The following SLC35F4 variants were observed in gnomAD, a reference collection of about 807,000 sequenced individuals.
SLC35F4 encodes the protein solute carrier family 35 member F4.
In SLC35F4, 24 loss-of-function variants were observed where a neutral mutation model predicts 44.2. The observed-to-expected ratio is 0.54, with a 90% CI of 0.39 to 0.76. SLC35F4 has a LOEUF of 0.76. Among genes scored for constraint, SLC35F4 ranks in the 30% least tolerant of loss-of-function variants. The pLI is 0.00. For synonymous variants in SLC35F4, 238 were observed against 223.6 expected, an observed-to-expected ratio of 1.06 and a Z score of -0.57; for missense variants, 562 against 586.1, an observed-to-expected ratio of 0.96 and a Z score of 0.42.
At chr14:57,808,804 T>G (rs1170823562) in intron 1 of SLC35F4, among the ~76,000 whole-genome samples, 2 of 152,198 alleles carry the variant, frequency 1.3e-5, no homozygotes, top group African/African-American at 4.8e-5. Context: ...AGACTCCGTC[T>G]CAAAAAGAAA....
At chr14:57,698,085 G>A (rs1457602566) in intron 1 of SLC35F4, among the ~76,000 whole-genome samples, 1 of 152,150 alleles carries the variant, frequency 6.6e-6, no homozygotes, top group African/African-American at 2.4e-5. Flanking sequence ...CTATCTCATA[G>A]AGATTCTTAA....
At position 57,824,456 on chromosome 14, in the gene SLC35F4, G is replaced by T. The variant is rs796086817; in HGVS notation, c.103+41267C>A. Among the ~76,000 whole-genome samples, 5 of 152,204 alleles carry T rather than the reference G, an allele frequency of 3.3e-5. 1 individual carries two copies. Among genetic ancestry groups the T allele is most frequent in the African/African-American group, 1.2e-4 (5 of 41,528 alleles). ...ACATATGTACACGCATACATATATA[G>T]GTACATACATAAATAGAAGATAGAT... On this transcript the variant is annotated intron_variant, in intron 1 of 7. Transcript: ENST00000556826.
intron 1 of SLC35F4, among the ~76,000 whole-genome samples, chr14:57,897,784 C>T (rs1257448291): frequency 1.3e-5 from 2 of 152,224 alleles, no homozygotes; most frequent in Non-Finnish European, 2.9e-5. Flanking sequence ...CAGAGCATCA[C>T]TGCCTTGCTT....
chr14:57,572,167 T>A, intron 4 of SLC35F4, 148 bp from the exon 5 acceptor site: 1 of 872,176 alleles, frequency 1.1e-6, no homozygotes. Flanking sequence ...GGCTCAGTAT[T>A]AGAAATAAAT....
intron 1 of SLC35F4, among the ~76,000 whole-genome samples, chr14:57,946,995 GT>G (rs919737740): frequency 6.6e-6 from 1 of 151,884 alleles, no homozygotes; most frequent in Admixed American, 6.6e-5. Flanking sequence ...TTTTAGAGTT[GT>G]TTTTTTCTAG....
chr14:57,639,199 CAG>C (rs1353091186), intron 1 of SLC35F4, among the ~76,000 whole-genome samples: 2 of 152,074 alleles, frequency 1.3e-5, no homozygotes, highest in Non-Finnish European at 2.9e-5. Context: ...GTCAATTACA[CAG>C]AGTCTGAGCT....
At chr14:57,693,156 T>G (rs1267468836) in intron 1 of SLC35F4, among the ~76,000 whole-genome samples, 3 of 152,226 alleles carry the variant, frequency 2.0e-5, no homozygotes, top group African/African-American at 7.2e-5. Context: ...AGTACTTTCT[T>G]TTTCTATTCA....
chr14:57,958,907 T>C (rs757486515), intron 1 of SLC35F4, among the ~76,000 whole-genome samples: 4 of 152,182 alleles, frequency 2.6e-5, no homozygotes, highest in Non-Finnish European at 5.9e-5. Context: ...AAGTTAGACA[T>C]CGTCAGAATC....
chr14:57,719,800 TA>T (rs1293275813), intron 1 of SLC35F4, among the ~76,000 whole-genome samples: 1 of 152,152 alleles, frequency 6.6e-6, no homozygotes, highest in Non-Finnish European at 1.5e-5. Context: ...GGATACCCTT[TA>T]TTTTTTTCTC....
At chr14:57,635,262 A>AC (rs371402284) in intron 1 of SLC35F4, among the ~76,000 whole-genome samples, 1 of 145,134 alleles carries the variant, frequency 6.9e-6, no homozygotes, top group African/African-American at 2.5e-5. Context: ...AAAAAAAAAA[A>AC]CCCCAAATAT....
chr14:57,665,067 A>T (rs542019950), intron 1 of SLC35F4, among the ~76,000 whole-genome samples: 1 of 152,150 alleles, frequency 6.6e-6, no homozygotes, highest in East Asian at 1.9e-4. Context: ...ACCCTCTTCC[A>T]TCTTCTCCTT....
intron 1 of SLC35F4, among the ~76,000 whole-genome samples, chr14:57,735,441 G>A (rs1346846522): frequency 1.3e-5 from 2 of 152,154 alleles, no homozygotes; most frequent in Non-Finnish European, 2.9e-5. Context: ...TTCAGCTAGA[G>A]AGTTGGCAGG....
chr14:57,882,529 T>C (rs1017273886), intron 1 of SLC35F4, among the ~76,000 whole-genome samples: 1 of 152,172 alleles, frequency 6.6e-6, no homozygotes, highest in Non-Finnish European at 1.5e-5. Flanking sequence ...GCCAAGCTAC[T>C]ATAGGCAGAG....
At chr14:57,931,751 A>C (rs1182932141) in intron 1 of SLC35F4, among the ~76,000 whole-genome samples, 1 of 152,182 alleles carries the variant, frequency 6.6e-6, no homozygotes, top group Non-Finnish European at 1.5e-5. Flanking sequence ...TTCTCTTTCA[A>C]AGGAAACACC....
intron 1 of SLC35F4, among the ~76,000 whole-genome samples, chr14:57,601,430 T>C (rs754388306): frequency 3.9e-5 from 6 of 152,174 alleles, no homozygotes; most frequent in Admixed American, 2.0e-4. Flanking sequence ...CTACTGATCA[T>C]AGTGCCCAAC....
intron 1 of SLC35F4, among the ~76,000 whole-genome samples, chr14:57,674,444 C>T (rs961450073): frequency 7.2e-5 from 11 of 152,138 alleles, no homozygotes; most frequent in African/African-American, 2.4e-4. Flanking sequence ...TTATTTATAA[C>T]AGCCAGAAAC....
chr14:57,598,479 G>A (rs1490559101), intron 1 of SLC35F4, among the ~76,000 whole-genome samples: 1 of 152,158 alleles, frequency 6.6e-6, no homozygotes, highest in Non-Finnish European at 1.5e-5. Context: ...TAAAACAATT[G>A]CTTAAAAAGA....
chr14:57,973,415 A>G (rs1368962779), downstream of SLC35F4, among the ~76,000 whole-genome samples: 9 of 152,180 alleles, frequency 5.9e-5, no homozygotes, highest in South Asian at 4.1e-4. Flanking sequence ...CACCACTTCA[A>G]TTGGGTCTAC....
intron 4 of SLC35F4, 158 bp downstream of exon 4, chr14:57,581,056 G>T (rs1212311446): frequency 3.3e-6 from 2 of 612,568 alleles, no homozygotes; most frequent in Non-Finnish European, 2.6e-6. Flanking sequence ...TGTTGCAACT[G>T]CCTGGGCTTT....
Sources: gnomAD v4.1 joint callset for allele counts (sites outside exome capture counted in the v4.1 genomes callset) on GRCh38, gnomAD v4.1.1 for gene constraint, MANE v1.5 for transcripts, NCBI Gene and HGNC (gene_info 2026-07-23, HGNC 2026-07-21) for gene names.